The following NHSL1 variants were observed in gnomAD, a reference collection of about 807,000 sequenced individuals.
NHSL1 encodes the protein NHS-like protein 1.
A neutral mutation model predicts 95.0 loss-of-function variants in NHSL1; 48 were observed. That is an observed-to-expected ratio of 0.51 (90% CI 0.40 to 0.64). The LOEUF (loss-of-function observed/expected upper bound fraction) is 0.64, where lower values mean the gene tolerates loss of function less well. Ranked by LOEUF, NHSL1 falls within the 30% of genes least tolerant of loss-of-function variation. The pLI is 0.00. For missense variants in NHSL1, 1,971 were observed against 2,077.7 expected (o/e 0.95, Z 1.00); for synonymous variants, 783 against 833.9 (o/e 0.94, Z 1.05).
intron 1 of NHSL1, among the ~76,000 whole-genome samples, chr6:138,537,239 T>G (rs1469457079): frequency 6.6e-6 from 1 of 152,252 alleles, no homozygotes; most frequent in Non-Finnish European, 1.5e-5. Flanking sequence ...ACACTTCCGT[T>G]GGAGCTGTTA....
chr6:138,618,764 C>A (rs916026050), intron 1 of NHSL1, among the ~76,000 whole-genome samples: 2 of 152,062 alleles, frequency 1.3e-5, no homozygotes, highest in Non-Finnish European at 2.9e-5. Flanking sequence ...TGACTTGTAC[C>A]GAGTGATCTG....
At chr6:138,564,605 A>T (rs1161260829) in intron 1 of NHSL1, among the ~76,000 whole-genome samples, 2 of 152,048 alleles carry the variant, frequency 1.3e-5, no homozygotes, top group Non-Finnish European at 2.9e-5. Flanking sequence ...AGATGTGTTA[A>T]GTTTACCCAT....
chr6:138,432,794 C>T lies in NHSL1; in HGVS notation c.1551G>A (p.Pro517=), dbSNP rs74751932. The change falls in exon 6 of 8, where the codon CCG becomes CCA. Residue 517 remains proline (P), a synonymous_variant. Transcript: ENST00000343505. The surrounding 1 kb of genome is among the most constrained non-coding windows in gnomAD (Gnocchi z 4.4). ...AGGCCAGGTTGTTTCTACAATTATACGGCATAGCTTGGGACCCATTCTCCC... is the reference window on the plus strand; with the variant it reads ...AGGCCAGGTTGTTTCTACAATTATATGGCATAGCTTGGGACCCATTCTCCC... ...ANRENGSQAM[P]YNCRNNLAFP... 7,591 of 1,551,582 alleles carry T rather than the reference C, an allele frequency of 4.9e-3. 207 individuals carry two copies. In the African/African-American group the frequency reaches 0.069, roughly 14 times the overall value.
At chr6:138,508,178 A>G (rs1350076275) in intron 1 of NHSL1, among the ~76,000 whole-genome samples, 2 of 152,216 alleles carry the variant, frequency 1.3e-5, no homozygotes, top group Admixed American at 6.5e-5. Context: ...TGCTATGAAA[A>G]AAAGAAACCC....
chr6:138,590,652 A>C (rs75502824), intron 1 of NHSL1, among the ~76,000 whole-genome samples: 1,786 of 151,376 alleles, frequency 0.012, 27 homozygotes, highest in African/African-American at 0.041. Context: ...AGTTCTCCAT[A>C]CTCTTCAGCA....
intron 1 of NHSL1, among the ~76,000 whole-genome samples, chr6:138,635,066 A>T (rs2114669066): frequency 6.6e-6 from 1 of 151,906 alleles, no homozygotes; most frequent in African/African-American, 2.4e-5. Context: ...TAGCTACCTC[A>T]AGTACCTACA....
chr6:138,522,037 C>G (rs1355180446), intron 1 of NHSL1, among the ~76,000 whole-genome samples: 1 of 152,038 alleles, frequency 6.6e-6, no homozygotes, highest in Admixed American at 6.6e-5. Context: ...CTAGTAAGTA[C>G]GGCAAAGTCA....
At position 138,618,350 on chromosome 6, in the gene NHSL1, A is replaced by G. The variant is rs531393292; in HGVS notation, c.96+74126T>C. On this transcript the variant is annotated intron_variant, in intron 1 of 3. Transcript: ENST00000491526. Reference sequence around the variant, plus strand: ...CTCCAACTGGTTGTGACACACAATTAAAACCTGATTTAAAACCACTGTTTT... The same window carrying G: ...CTCCAACTGGTTGTGACACACAATTGAAACCTGATTTAAAACCACTGTTTT... 2.0e-5 allele frequency among the ~76,000 whole-genome samples: 3 copies of G among 152,344 alleles called. No homozygotes were observed. In the South Asian group the frequency reaches 6.2e-4, roughly 32 times the overall value.
chr6:138,589,225 T>C lies in NHSL1; in HGVS notation c.97-92854A>G, dbSNP rs1408878160. Among the ~76,000 whole-genome samples the C allele has an allele frequency of 2.6e-5, 4 of 152,262 alleles. No individual in the cohort carries two copies. The East Asian group carries it at 7.7e-4, about 29-fold the overall frequency. ...ACACTCAGAAGTGTATCCTGTGCGT[T>C]CATGGGACAGTATGGGTGAGGCGTG... On this transcript the variant is annotated intron_variant, in intron 1 of 3. Transcript: ENST00000491526.
At chr6:138,583,641 C>G (rs958691900) in intron 1 of NHSL1, among the ~76,000 whole-genome samples, 1 of 152,184 alleles carries the variant, frequency 6.6e-6, no homozygotes, top group Non-Finnish European at 1.5e-5. Context: ...AAGCACTAAA[C>G]TGATGTTTGT....
chr6:138,561,778 T>G (rs1291008782), intron 1 of NHSL1, among the ~76,000 whole-genome samples: 1 of 152,142 alleles, frequency 6.6e-6, no homozygotes, highest in East Asian at 1.9e-4. Flanking sequence ...CTGGGAGACT[T>G]GGCCAACAAA....
chr6:138,683,628 A>C (rs1169620651), intron 1 of NHSL1, among the ~76,000 whole-genome samples: 1 of 152,202 alleles, frequency 6.6e-6, no homozygotes, highest in African/African-American at 2.4e-5. Flanking sequence ...TCCTGGCCTC[A>C]TCTGAGTATG....
intron 1 of NHSL1, among the ~76,000 whole-genome samples, chr6:138,609,999 C>A (rs897941106): frequency 1.3e-5 from 2 of 151,994 alleles, no homozygotes; most frequent in African/African-American, 2.4e-5. Context: ...CATCTTAGGC[C>A]CCCTGCCAAG....
At chr6:138,630,986 G>A (rs1784811606) in intron 1 of NHSL1, among the ~76,000 whole-genome samples, 1 of 152,132 alleles carries the variant, frequency 6.6e-6, no homozygotes, top group Non-Finnish European at 1.5e-5. Flanking sequence ...AAAAAGTCTT[G>A]AATCACAGAT....
chr6:138,437,445 C>A (rs200144334), intron 5 of NHSL1, among the ~76,000 whole-genome samples: 41,258 of 61,456 alleles, frequency 0.67, 13,674 homozygotes, highest in East Asian at 0.82. Context: ...CACACACACA[C>A]AAAAAAAAAA....
At chr6:138,650,351 G>C in intron 1 of NHSL1, 1 of 1,091,938 alleles carries the variant, frequency 9.2e-7, no homozygotes, top group Non-Finnish European at 1.4e-6. Flanking sequence ...AGTAACGGGG[G>C]AGCCCAGCCT....
At chr6:138,597,213 C>T (rs1784313845) in intron 1 of NHSL1, among the ~76,000 whole-genome samples, 1 of 152,042 alleles carries the variant, frequency 6.6e-6, no homozygotes, top group Non-Finnish European at 1.5e-5. Context: ...AATACAAAAG[C>T]CTAATTCAGT....
intron 1 of NHSL1, among the ~76,000 whole-genome samples, chr6:138,586,896 C>T (rs1487592879): frequency 6.6e-6 from 1 of 151,752 alleles, no homozygotes. Flanking sequence ...CATGGCTGAA[C>T]ATCAGAGCCA....
At chr6:138,691,770 C>G (rs1234898029) in intron 1 of NHSL1, 1 of 389,244 alleles carries the variant, frequency 2.6e-6, no homozygotes, top group African/African-American at 2.1e-5. Context: ...GGAGAGATCA[C>G]TATATCAGGA....
Sources: allele counts gnomAD v4.1 joint callset (sites outside exome capture counted in the v4.1 genomes callset), GRCh38; gene constraint gnomAD v4.1.1; non-coding constraint Gnocchi (gnomAD v3.1); transcripts MANE v1.5; gene names NCBI Gene and HGNC (gene_info 2026-07-23, HGNC 2026-07-21).